Variants in PLA2R1 observed in about 807,000 individuals in gnomAD.
PLA2R1 encodes the protein secretory phospholipase A2 receptor.
PLA2R1 carries 158 observed loss-of-function variants against 195.9 expected under a neutral mutation model. That is an observed-to-expected ratio of 0.81 (90% CI 0.71 to 0.92). The LOEUF is 0.92. PLA2R1 is among the 40% of genes least tolerant of loss of function. PLA2R1 has a pLI of 0.00. For missense variants in PLA2R1, 1,626 were observed against 1,764.6 expected (o/e 0.92, Z 1.41); for synonymous variants, 586 against 598.2 (o/e 0.98, Z 0.30).
intron 1 of PLA2R1, among the ~76,000 whole-genome samples, chr2:160,059,268 T>C (rs1005297924): frequency 2.4e-4 from 36 of 152,202 alleles, no homozygotes; most frequent in Non-Finnish European, 4.7e-4. Context: ...GGCCACAAAC[T>C]GGTAGGTGGC....
chr2:160,043,045 A>G (rs1307546814), intron 2 of PLA2R1, among the ~76,000 whole-genome samples: 2 of 151,958 alleles, frequency 1.3e-5, no homozygotes, highest in Admixed American at 1.3e-4. Flanking sequence ...ACCTGAGACA[A>G]GAACAAGTGA....
intron 2 of PLA2R1, among the ~76,000 whole-genome samples, chr2:160,044,379 A>G (rs1256723251): frequency 6.6e-6 from 1 of 152,140 alleles, no homozygotes; most frequent in Non-Finnish European, 1.5e-5. Context: ...TTTTTACAAT[A>G]AGAGAAATGG....
In PLA2R1 at chr2:160,005,700, G is replaced by T; in HGVS notation, c.1786C>A (p.Gln596Lys). The T allele has an allele frequency of 6.2e-7, 1 of 1,614,022 alleles. No individual in the cohort carries two copies. ...GTGTACTGCACCGGCTCGGGTTTCTGCCCTACTGGCTTCCAAGTGTATTCT... is the reference window on the plus strand; with the variant it reads ...GTGTACTGCACCGGCTCGGGTTTCTTCCCTACTGGCTTCCAAGTGTATTCT... ...TGEYTWKPVG[Q>K]KPEPVQYTHW... Residue 596 changes from glutamine (Q) to lysine (K), a missense_variant, in exon 11 of 30, where the codon CAG (glutamine) becomes AAG (lysine). By Grantham distance (53) the Gln-to-Lys change is moderately conservative. Transcript: ENST00000283243.
chr2:159,938,786 A>C lies in PLA2R1; in HGVS notation c.*2992T>G, dbSNP rs543313374. On this transcript the variant is annotated 3_prime_UTR_variant, in exon 30 of 30. Transcript: ENST00000283243. ...TATATATCCAACCACCATTTTGAGA[A>C]GAGTAAAGAAACTCCAAAAGACTGA... The C allele has an allele frequency of 6.6e-6, 1 of 152,256 alleles. No homozygotes were observed. The highest frequency in any genetic ancestry group is 1.5e-5 in the Non-Finnish European group (1 of 68,062). The allele number at this position is 152,256 out of a possible 1,614,324, so 9.4% of individuals were successfully genotyped here.
chr2:159,950,450 C>T (rs57650243), intron 24 of PLA2R1, among the ~76,000 whole-genome samples: 4,538 of 152,272 alleles, frequency 0.03, 200 homozygotes, highest in African/African-American at 0.1. Context: ...AATTATCCTA[C>T]TGGCACAAGG....
At chr2:160,017,741 C>A (rs1692862047) in intron 8 of PLA2R1, among the ~76,000 whole-genome samples, 3 of 152,090 alleles carry the variant, frequency 2.0e-5, no homozygotes, top group African/African-American at 7.2e-5. Context: ...CAAATCAGAA[C>A]CTTAGGCTAA....
Position 160,060,264 on chromosome 2 carries a change from C to T in PLA2R1, c.109+2031G>A, listed in dbSNP as rs774950917. Among the ~76,000 whole-genome samples the T allele has an allele frequency of 2.6e-5, 4 of 152,166 alleles. No individual in the cohort carries two copies. The East Asian group carries it at 7.7e-4, about 29-fold the overall frequency. Reference sequence around the variant, plus strand: ...AGTCAATGTGGTACAGTGAACACAGCGGTAAACTGAGGCACCCCAAAGCAT... The same window carrying T: ...AGTCAATGTGGTACAGTGAACACAGTGGTAAACTGAGGCACCCCAAAGCAT... On this transcript the variant is annotated intron_variant, in intron 1 of 29. Coordinates refer to ENST00000283243, the MANE Select transcript of PLA2R1 (RefSeq NM_007366.5).
chr2:159,950,784 T>G (rs1687686220), intron 24 of PLA2R1, among the ~76,000 whole-genome samples: 1 of 152,072 alleles, frequency 6.6e-6, no homozygotes, highest in Admixed American at 6.6e-5. Context: ...CATTAGGGAG[T>G]AGAACTAGGG....
intron 13 of PLA2R1, among the ~76,000 whole-genome samples, chr2:159,981,216 CGTGTGTGTGTGTGTGT>C (rs3061613): frequency 4.1e-5 from 6 of 148,118 alleles, no homozygotes; most frequent in African/African-American, 1.0e-4. Flanking sequence ...TATGTGCATA[CGTGTGTGTGTGTGTGT>C]GTGTGTGTGT....
intron 1 of PLA2R1, 29 bp downstream of exon 1, chr2:160,062,266 G>A (rs1356628387): frequency 3.9e-6 from 3 of 767,230 alleles, no homozygotes; most frequent in East Asian, 8.3e-5. Context: ...CCAACGTACC[G>A]ATCCAGTCCC....
At chr2:160,005,874 A>G in intron 10 of PLA2R1, 53 bp from the exon 11 acceptor site, 1 of 1,276,572 alleles carries the variant, frequency 7.8e-7, no homozygotes, top group Non-Finnish European at 1.1e-6. Context: ...CAATAAAAAA[A>G]TGTCATTAAA....
chr2:160,021,028 A>G (rs1316550174), intron 7 of PLA2R1, among the ~76,000 whole-genome samples: 1 of 152,190 alleles, frequency 6.6e-6, no homozygotes, highest in Non-Finnish European at 1.5e-5. Flanking sequence ...TGCCTAGAGA[A>G]AGGAAAAATA....
intron 7 of PLA2R1, among the ~76,000 whole-genome samples, chr2:160,020,926 C>T (rs1042681589): frequency 1.3e-5 from 2 of 152,190 alleles, no homozygotes; most frequent in Admixed American, 6.5e-5. Flanking sequence ...AATGCAACAA[C>T]AAAGCCTAAG....
chr2:159,959,459 A>G (rs975260640), intron 20 of PLA2R1, among the ~76,000 whole-genome samples: 11 of 152,348 alleles, frequency 7.2e-5, no homozygotes, highest in African/African-American at 2.4e-4. Context: ...TTAATAATTA[A>G]GGCAAAGCAG....
the PLA2R1 span, among the ~76,000 whole-genome samples, chr2:159,925,206 C>T: frequency 0.66 from 99,663 of 151,142 alleles, 33,636 homozygotes; most frequent in South Asian, 0.74. Context: ...AACAAACAAA[C>T]AATCAATTAG....
In PLA2R1 at chr2:159,989,771, T is replaced by C. The variant is rs138516639; in HGVS notation, c.1835-2413A>G. 1.2e-3 allele frequency among the ~76,000 whole-genome samples: 177 copies of C among 152,374 alleles called. 1 individual carries two copies. The Middle Eastern group carries it at 0.054, about 47-fold the overall frequency. On this transcript the variant is annotated intron_variant, in intron 11 of 29. Transcript: ENST00000283243. ...TTTCATTACAAAAACTAGGGTTTTG[T>C]GGCATAAGTTCTGCCTGCATATTCA...
intron 12 of PLA2R1, among the ~76,000 whole-genome samples, chr2:159,984,821 C>T (rs1690211972): frequency 6.6e-6 from 1 of 152,176 alleles, no homozygotes; most frequent in African/African-American, 2.4e-5. Context: ...TTTTTAACTG[C>T]CTGGCACTAA....
rs775305226 is a variant in PLA2R1, at chr2:159,937,930, T to G, written c.*3848A>C. 6.6e-6 allele frequency: 1 copy of G among 152,254 alleles called. No individual in the cohort carries two copies. Among genetic ancestry groups the G allele is most frequent in the Non-Finnish European group, 1.5e-5 (1 of 68,044 alleles). 9.4% of individuals were successfully genotyped at this position (152,254 alleles called of 1,614,324 possible). ...ATTTTTCTTTGGAGCCATGGAGGAT[T>G]TTCCCATAGTAAGATCTGAAATGAA... On this transcript the variant is annotated 3_prime_UTR_variant, in exon 30 of 30. Coordinates refer to ENST00000283243, the MANE Select transcript of PLA2R1 (RefSeq NM_007366.5).
intron 11 of PLA2R1, among the ~76,000 whole-genome samples, chr2:159,994,240 A>C (rs536406371): frequency 1.5e-4 from 23 of 152,276 alleles, no homozygotes; most frequent in African/African-American, 5.1e-4. Context: ...GTAACACATT[A>C]AACAATGTGA....
Sources: allele counts gnomAD v4.1 joint callset (sites outside exome capture counted in the v4.1 genomes callset), GRCh38; gene constraint gnomAD v4.1.1; transcripts MANE v1.5; gene names NCBI Gene and HGNC (gene_info 2026-07-23, HGNC 2026-07-21).